The following PEPD variants were observed in gnomAD, a reference collection of about 807,000 sequenced individuals.
The protein encoded by PEPD is xaa-Pro dipeptidase.
A neutral mutation model predicts 60.7 loss-of-function variants in PEPD; 53 were observed. That is an observed-to-expected ratio of 0.87 (90% confidence interval 0.70 to 1.10). The LOEUF (loss-of-function observed/expected upper bound fraction) is 1.10, where lower values mean the gene tolerates loss of function less well. PEPD is among the 50% of genes least tolerant of loss of function. PEPD has a pLI of 0.00. For missense variants in PEPD, 711 were observed against 711.9 expected, an observed-to-expected ratio of 1.00 and a Z score of 0.01; for synonymous variants, 267 against 284.1, an observed-to-expected ratio of 0.94 and a Z score of 0.60.
intron 9 of PEPD, among the ~76,000 whole-genome samples, chr19:33,451,308 T>G (rs545088535): frequency 6.6e-6 from 1 of 152,364 alleles, no homozygotes; most frequent in East Asian, 1.9e-4. Flanking sequence ...TAAGGAAAAT[T>G]TTCTAGTTTT....
chr19:33,501,336 C>T (rs1469958023), intron 3 of PEPD, among the ~76,000 whole-genome samples: 1 of 152,200 alleles, frequency 6.6e-6, no homozygotes, highest in Non-Finnish European at 1.5e-5. Flanking sequence ...CCAGCCAGTG[C>T]ACCCGTCCCT....
intron 7 of PEPD, among the ~76,000 whole-genome samples, chr19:33,465,178 G>A (rs1467358269): frequency 5.3e-5 from 8 of 152,276 alleles, no homozygotes; most frequent in East Asian, 1.9e-4. Flanking sequence ...GAAACCAAGC[G>A]AAATGCAAAG....
At chr19:33,513,129 C>A (rs1371890928) in intron 1 of PEPD, among the ~76,000 whole-genome samples, 2 of 152,076 alleles carry the variant, frequency 1.3e-5, no homozygotes, top group African/African-American at 4.8e-5. Context: ...CTGGGGGCCA[C>A]TCTCTCTGCG....
chr19:33,412,369 A>T (rs1490921921), intron 10 of PEPD, among the ~76,000 whole-genome samples: 1 of 152,134 alleles, frequency 6.6e-6, no homozygotes, highest in East Asian at 1.9e-4. Context: ...AGAGCAAAAA[A>T]GGGGAACAGC....
Position 33,493,347 on chromosome 19 carries a change from C to G in PEPD, c.394-10G>C. Reference sequence around the variant, plus strand: ...TCAGGACGCTGGCAATCTAGAAGGTCGGAAAGAAAAACCCACTTTAGAGGC... The same window carrying G: ...TCAGGACGCTGGCAATCTAGAAGGTGGGAAAGAAAAACCCACTTTAGAGGC... On this transcript the variant is annotated splice_polypyrimidine_tract_variant and intron_variant, in intron 4 of 14. Coordinates refer to ENST00000244137, the MANE Select transcript of PEPD (RefSeq NM_000285.4). 1 of 1,611,182 alleles carries G rather than the reference C, an allele frequency of 6.2e-7. No individual in the cohort carries two copies. The highest frequency in any genetic ancestry group is 8.5e-7 in the Non-Finnish European group (1 of 1,177,528).
intron 11 of PEPD, among the ~76,000 whole-genome samples, chr19:33,402,341 T>C (rs929448816): frequency 1.3e-5 from 2 of 152,120 alleles, no homozygotes; most frequent in African/African-American, 4.8e-5. Flanking sequence ...GCCGTGCTTG[T>C]GGGAAGCAGA....
chr19:33,500,911 TG>T (rs1568504681), intron 4 of PEPD, 26 bp downstream of exon 4: 1 of 1,400,670 alleles, frequency 7.1e-7, no homozygotes. Flanking sequence ...AGCCCTGGGC[TG>T]CTCAGAGGAG....
intron 7 of PEPD, among the ~76,000 whole-genome samples, chr19:33,471,686 T>C (rs1970123024): frequency 6.6e-6 from 1 of 152,164 alleles, no homozygotes; most frequent in African/African-American, 2.4e-5. Flanking sequence ...GAATCATGGC[T>C]CAGGACAGGA....
intron 4 of PEPD, among the ~76,000 whole-genome samples, chr19:33,495,831 C>CA (rs893009792): frequency 6.6e-5 from 10 of 151,872 alleles, no homozygotes; most frequent in African/African-American, 2.2e-4. Flanking sequence ...ATTAAAAATA[C>CA]AAAAAAATTA....
At chr19:33,476,853 C>T (rs148744414) in intron 7 of PEPD, among the ~76,000 whole-genome samples, 1,708 of 152,028 alleles carry the variant, frequency 0.011, 36 homozygotes, top group African/African-American at 0.039. Context: ...TTAGTAGAGA[C>T]GGGGTTTCAC....
intron 3 of PEPD, among the ~76,000 whole-genome samples, chr19:33,509,590 T>C (rs2145350774): frequency 6.6e-6 from 1 of 152,224 alleles, no homozygotes; most frequent in Non-Finnish European, 1.5e-5. Flanking sequence ...GAGAGCCCAG[T>C]CCCTGTGGCA....
chr19:33,510,360 AGG>A (rs35181414), intron 3 of PEPD, among the ~76,000 whole-genome samples: 18,583 of 152,194 alleles, frequency 0.12, 1,535 homozygotes, highest in Non-Finnish European at 0.19. Flanking sequence ...AGACAGAGGG[AGG>A]GGGGCTCCAA....
intron 9 of PEPD, among the ~76,000 whole-genome samples, chr19:33,443,815 A>G (rs1247804250): frequency 2.0e-5 from 3 of 152,374 alleles, no homozygotes; most frequent in East Asian, 3.9e-4. Context: ...GTGTGTCCTC[A>G]GGCAGGGAGG....
chr19:33,509,476 G>A (rs578072167), intron 3 of PEPD, among the ~76,000 whole-genome samples: 4 of 152,322 alleles, frequency 2.6e-5, no homozygotes, highest in East Asian at 1.9e-4. Flanking sequence ...GAGACAGCAG[G>A]AGCAGCACAC....
In PEPD at chr19:33,388,071, C is replaced by T. The variant is rs2230062; in HGVS notation, c.1163G>A (p.Arg388His). The part of the protein sequence containing the change: ...DVGGYPEGVE[R>H]IDEPGLRSLR... ...GCTCCGCAGGCCGGGCTCGTCGATG[C>T]GCTCCACGCCCTGTGGGGAACAGAG... Residue 388 changes from arginine to histidine, a missense_variant, in exon 14 of 15, where the codon CGC becomes CAC. Transcript: ENST00000244137. The T allele has an allele frequency of 4.1e-3, 6,396 of 1,548,190 alleles. 217 individuals carry two copies. The East Asian group carries it at 0.1, about 24-fold the overall frequency.
chr19:33,391,397 G>A lies in PEPD; in HGVS notation c.1050C>T (p.Ser350=), dbSNP rs1051414412. Reference sequence around the variant, plus strand: ...GGTGAGCCTGGACCATGGCGTCCACGCTGCCGCTCAGGATGCCCATGTGGG... The same window carrying A: ...GGTGAGCCTGGACCATGGCGTCCACACTGCCGCTCAGGATGCCCATGTGGG... ...ELAHMGILSG[S]VDAMVQAHLG... is the part of the protein sequence containing the mutation. The change falls in exon 13 of 15, where the codon AGC becomes AGT. Residue 350 remains serine, a synonymous_variant. Transcript: ENST00000244137. The A allele has an allele frequency of 1.3e-5, 20 of 1,590,650 alleles. No individual in the cohort carries two copies. Among genetic ancestry groups the A allele is most frequent in the African/African-American group, 4.0e-5 (3 of 74,618 alleles).
chr19:33,441,190 G>T (rs183617245), intron 9 of PEPD, among the ~76,000 whole-genome samples: 1 of 152,206 alleles, frequency 6.6e-6, no homozygotes, highest in Admixed American at 6.5e-5. Context: ...AGCCCAGGGA[G>T]CTCAGCCCTG....
At position 33,422,395 on chromosome 19, in the gene PEPD, CATCT is replaced by C. The variant is rs1468210292; in HGVS notation, c.672-8756_672-8753del. Among the ~76,000 whole-genome samples, 14 of 150,430 alleles carry C rather than the reference CATCT, an allele frequency of 9.3e-5. No homozygotes were observed. The South Asian group carries it at 1.7e-3, about 18-fold the overall frequency. ...CTTATCATCCATCTACCCATCCATC[CATCT>C]ATCCATCACTCTAGATCTACCTACC... On this transcript the variant is annotated intron_variant, in intron 9 of 14. Transcript: ENST00000244137.
In PEPD at chr19:33,519,548, C is replaced by T. The variant is rs141340498; in HGVS notation, c.17+2196G>A. On this transcript the variant is annotated intron_variant, in intron 1 of 14. Transcript: ENST00000244137. ...TAGGAGCTGAGCTTTGCGGGAAACA[C>T]ACTTAATCATTCTGCTCTAAAGGAA... Among the ~76,000 whole-genome samples, 15 of 152,350 alleles carry T rather than the reference C, an allele frequency of 9.8e-5. No homozygotes were observed. In the East Asian group the frequency reaches 2.5e-3, roughly 25 times the overall value.
Sources: gnomAD v4.1 joint callset for allele counts (sites outside exome capture counted in the v4.1 genomes callset) on GRCh38, gnomAD v4.1.1 for gene constraint, MANE v1.5 for transcripts, NCBI Gene and HGNC (gene_info 2026-07-23, HGNC 2026-07-21) for gene names.